The following SMAGP variants were observed in gnomAD, a reference collection of about 807,000 sequenced individuals.
SMAGP encodes the protein small cell transmembrane and glycosylated protein.
In SMAGP, 7 loss-of-function variants were observed where a neutral mutation model predicts 10.1. The ratio of observed to expected loss-of-function variants is 0.70; its 90% confidence interval spans 0.40 to 1.31. The LOEUF is 1.31. Ranked by LOEUF, SMAGP falls within the 50% of genes most tolerant of loss-of-function variation. SMAGP has a pLI of 0.01. For missense variants in SMAGP, 113 were observed against 116.5 expected (o/e 0.97, Z 0.14); for synonymous variants, 49 against 47.2 (o/e 1.04, Z -0.16).
Position 51,246,050 on chromosome 12 carries a change from T to C in SMAGP, c.185A>G (p.Asn62Ser). 2 of 1,613,998 alleles carry C rather than the reference T, an allele frequency of 1.2e-6. No individual in the cohort carries two copies. The highest frequency in any genetic ancestry group is 2.2e-5 in the South Asian group (2 of 91,088). The change falls in exon 4 of 4, where the codon AAC becomes AGC. Residue 62 changes from asparagine to serine, a missense_variant. Physicochemically the swap from Asn to Ser is conservative, Grantham distance 46. Coordinates refer to ENST00000603798, the MANE Select transcript of SMAGP (RefSeq NM_001031628.2). Reference sequence around the variant, plus strand: ...TTCATAGGTGACGTAGCTGCCTTTGTTCTTGTACAGGTAAAAGAAGATCAA... The same window carrying C: ...TTCATAGGTGACGTAGCTGCCTTTGCTCTTGTACAGGTAAAAGAAGATCAA... The part of the protein sequence containing the change: ...VILIFFYLYK[N>S]KGSYVTYEPT...
intron 2 of SMAGP, among the ~76,000 whole-genome samples, chr12:51,256,497 G>A (rs1444941284): frequency 3.3e-5 from 5 of 152,078 alleles, no homozygotes; most frequent in Non-Finnish European, 5.9e-5. Flanking sequence ...AGAGGCAGGC[G>A]GATCACCTGA....
rs1292244177 is a variant in SMAGP, at chr12:51,256,704, G to A, written c.35-9873C>T. 1.3e-4 allele frequency among the ~76,000 whole-genome samples: 20 copies of A among 151,000 alleles called. No homozygotes were observed. The Admixed American group carries it at 1.3e-3, about 10-fold the overall frequency. On this transcript the variant is annotated intron_variant, in intron 2 of 3. Coordinates refer to ENST00000603798, the MANE Select transcript of SMAGP (RefSeq NM_001031628.2). ...CATTGCACTCCAGCCTGGGCAATGA[G>A]AGCGAAACTCCGTCTCAAAACAAAC...
intron 2 of SMAGP, among the ~76,000 whole-genome samples, chr12:51,256,263 T>C (rs2137302451): frequency 6.6e-6 from 1 of 152,074 alleles, no homozygotes; most frequent in South Asian, 2.1e-4. Context: ...CATGATTGCT[T>C]ACTAGATATC....
chr12:51,264,362 G>A (rs564888934), intron 2 of SMAGP, among the ~76,000 whole-genome samples: 2 of 152,342 alleles, frequency 1.3e-5, no homozygotes, highest in East Asian at 3.9e-4. Context: ...GCCAGGTGAG[G>A]TGGCTTGCGC....
In SMAGP at chr12:51,269,139, G is replaced by A. The variant is rs954205211; in HGVS notation, c.34+106C>T. On this transcript the variant is annotated intron_variant, in intron 2 of 3. Transcript: ENST00000603798. ...GCCCTTCCTGTGTGAGGCAGGCAGAGAGAGGTGGGAGTCTTCCCACCTGGG... is the reference window on the plus strand; with the variant it reads ...GCCCTTCCTGTGTGAGGCAGGCAGAAAGAGGTGGGAGTCTTCCCACCTGGG... 6.2e-5 allele frequency: 75 copies of A among 1,215,780 alleles called. 2 individuals are homozygous for A. Among genetic ancestry groups the A allele is most frequent in the Non-Finnish European group, 8.3e-5 (68 of 822,784 alleles). The allele number at this position is 1,215,780 out of a possible 1,614,324, so 75.3% of individuals were successfully genotyped here. A position where few individuals can be genotyped will look rare whatever the true frequency, so the allele number is the denominator to read the frequency against.
chr12:51,247,834 C>T (rs1944792204), intron 2 of SMAGP, among the ~76,000 whole-genome samples: 1 of 152,210 alleles, frequency 6.6e-6, no homozygotes, highest in Non-Finnish European at 1.5e-5. Context: ...CCGAGGCTCA[C>T]CCTCCACTGC....
intron 3 of SMAGP, 129 bp downstream of exon 3, chr12:51,246,622 G>GTGTA: frequency 5.2e-6 from 3 of 574,418 alleles, no homozygotes; most frequent in South Asian, 2.6e-5. Context: ...GTGTGTGTGT[G>GTGTA]TGTGTGTGTG....
chr12:51,249,352 A>C (rs1408814358), intron 2 of SMAGP, among the ~76,000 whole-genome samples: 2 of 152,140 alleles, frequency 1.3e-5, no homozygotes, highest in African/African-American at 2.4e-5. Flanking sequence ...GGTTGGTCAC[A>C]AGTTTTGGAG....
At chr12:51,265,175 C>A (rs1944963945) in intron 2 of SMAGP, among the ~76,000 whole-genome samples, 1 of 152,156 alleles carries the variant, frequency 6.6e-6, no homozygotes, top group African/African-American at 2.4e-5. Context: ...TGAGATACCA[C>A]TTCACACACA....
At chr12:51,254,545 TA>T (rs1004241269) in intron 2 of SMAGP, among the ~76,000 whole-genome samples, 12 of 147,690 alleles carry the variant, frequency 8.1e-5, no homozygotes, top group Non-Finnish European at 9.0e-5. Flanking sequence ...AGACTCCATC[TA>T]AAAAAAAAAG....
intron 2 of SMAGP, chr12:51,253,677 G>GA (rs1944861091): frequency 1.3e-5 from 2 of 152,178 alleles, no homozygotes; most frequent in South Asian, 4.1e-4. Flanking sequence ...GACACTAAGT[G>GA]AAATAAGCCA....
At chr12:51,269,204 A>G in intron 2 of SMAGP, 41 bp downstream of exon 2, 3 of 1,612,136 alleles carry the variant, frequency 1.9e-6, no homozygotes, top group Non-Finnish European at 2.5e-6. Context: ...GGGATGTTGA[A>G]CAATTCTTTC....
intron 2 of SMAGP, among the ~76,000 whole-genome samples, chr12:51,251,984 G>C (rs1162028418): frequency 6.6e-6 from 1 of 152,150 alleles, no homozygotes; most frequent in African/African-American, 2.4e-5. Flanking sequence ...CTATTGGTCA[G>C]TTTCCACTTA....
chr12:51,267,897 C>CT (rs1410537165), intron 2 of SMAGP, among the ~76,000 whole-genome samples: 1 of 152,190 alleles, frequency 6.6e-6, no homozygotes, highest in Non-Finnish European at 1.5e-5. Context: ...TGTCACTCAC[C>CT]TGTTTCCACA....
intron 2 of SMAGP, among the ~76,000 whole-genome samples, chr12:51,258,026 G>C (rs1418025685): frequency 6.6e-6 from 1 of 152,190 alleles, no homozygotes; most frequent in Non-Finnish European, 1.5e-5. Context: ...CAATAGCCAG[G>C]CATGGTGGCA....
At chr12:51,267,883 G>C (rs1444439897) in intron 2 of SMAGP, among the ~76,000 whole-genome samples, 4 of 152,100 alleles carry the variant, frequency 2.6e-5, no homozygotes, top group Admixed American at 2.6e-4. Flanking sequence ...ACTTCCACTG[G>C]TGGTGTCACT....
chr12:51,260,650 T>C (rs1565659801), intron 2 of SMAGP, among the ~76,000 whole-genome samples: 1 of 148,428 alleles, frequency 6.7e-6, no homozygotes, highest in Non-Finnish European at 1.5e-5. Context: ...AATGCTGGGA[T>C]TACAGGCGTG....
intron 2 of SMAGP, among the ~76,000 whole-genome samples, chr12:51,264,125 G>A (rs1944952554): frequency 6.6e-6 from 1 of 152,132 alleles, no homozygotes; most frequent in Non-Finnish European, 1.5e-5. Context: ...TAGACTGTGA[G>A]GGAGGAATAG....
chr12:51,249,679 G>A lies in SMAGP; in HGVS notation c.35-2848C>T, dbSNP rs564046997. ...ATTGCCCAGGCTGGAGTGCAGTGGCGCAATCTCGGCTCACTGCAACTTCCA... is the reference window on the plus strand; with the variant it reads ...ATTGCCCAGGCTGGAGTGCAGTGGCACAATCTCGGCTCACTGCAACTTCCA... On this transcript the variant is annotated intron_variant, in intron 2 of 3. Transcript: ENST00000603798. Among the ~76,000 whole-genome samples, 242 of 151,860 alleles carry A rather than the reference G, an allele frequency of 1.6e-3. 1 individual carries two copies. The highest frequency in any genetic ancestry group is 5.2e-3 in the African/African-American group (217 of 41,364).
Sources: gnomAD v4.1 joint callset for allele counts (sites outside exome capture counted in the v4.1 genomes callset) on GRCh38, gnomAD v4.1.1 for gene constraint, MANE v1.5 for transcripts, NCBI Gene and HGNC (gene_info 2026-07-23, HGNC 2026-07-21) for gene names.